The following SPOPL variants were observed in gnomAD, a reference collection of about 807,000 sequenced individuals.
SPOPL encodes speckle type BTB/POZ protein like, also known as speckle-type POZ protein-like.
A neutral mutation model predicts 53.8 loss-of-function variants in SPOPL; 23 were observed. The observed-to-expected ratio is 0.43, with a 90% CI of 0.31 to 0.61. The LOEUF (loss-of-function observed/expected upper bound fraction) is 0.61, where lower values mean the gene tolerates loss of function less well. Among genes scored for constraint, SPOPL ranks in the 20% least tolerant of loss-of-function variants. SPOPL has a pLI of 0.12. For missense variants in SPOPL, 442 were observed against 466.9 expected, an observed-to-expected ratio of 0.95 and a Z score of 0.49; for synonymous variants, 164 against 149.7, an observed-to-expected ratio of 1.10 and a Z score of -0.70.
rs1270877170 is a variant in SPOPL at position 138,528,836 on chromosome 2, T to C, written c.-60-21321T>C. ...CTGCCAAATTTTAGTGCTAAGACTT[T>C]GGGTAGGTTACTTTGCATTTTTGCG... On this transcript the variant is annotated intron_variant, in intron 1 of 10. Coordinates refer to ENST00000280098, the MANE Select transcript of SPOPL (RefSeq NM_001001664.3). Among the ~76,000 whole-genome samples the C allele has an allele frequency of 2.6e-5, 4 of 152,190 alleles. No individual in the cohort carries two copies. In the East Asian group the frequency reaches 7.7e-4, roughly 29 times the overall value.
chr2:138,543,489 C>G (rs1399170532), intron 1 of SPOPL, among the ~76,000 whole-genome samples: 1 of 152,198 alleles, frequency 6.6e-6, no homozygotes, highest in Non-Finnish European at 1.5e-5. Context: ...TTCATTTCAT[C>G]TTCCATCACT....
At chr2:138,523,423 G>C (rs966660567) in intron 1 of SPOPL, among the ~76,000 whole-genome samples, 7 of 152,012 alleles carry the variant, frequency 4.6e-5, no homozygotes, top group African/African-American at 1.7e-4. Context: ...ATATCATTCT[G>C]CCCCTGGCCC....
Position 138,572,575 on chromosome 2 carries a change from A to G in SPOPL, c.*3495A>G, listed in dbSNP as rs1685811206. 1 of 152,590 alleles carries G rather than the reference A, an allele frequency of 6.6e-6. No individual in the cohort carries two copies. The allele number at this position is 152,590 out of a possible 1,614,324, so 9.5% of individuals were successfully genotyped here. On this transcript the variant is annotated 3_prime_UTR_variant, in exon 11 of 11. Coordinates refer to ENST00000280098, the MANE Select transcript of SPOPL (RefSeq NM_001001664.3). The stretch of plus-strand genomic sequence containing the variant: ...AGAGGTGAATTATTCTGACTTGGAC[A>G]TGCATGCTCTTTGATGGATAAAATA...
At chr2:138,503,471 A>G (rs1684149750) in intron 1 of SPOPL, among the ~76,000 whole-genome samples, 1 of 152,238 alleles carries the variant, frequency 6.6e-6, no homozygotes, top group Admixed American at 6.5e-5. Context: ...TTGTGGGTAG[A>G]TTAATTCTAA....
intron 1 of SPOPL, among the ~76,000 whole-genome samples, chr2:138,537,032 C>T (rs1479539565): frequency 6.6e-6 from 1 of 152,158 alleles, no homozygotes; most frequent in African/African-American, 2.4e-5. Context: ...CCTGACAGCA[C>T]CATGCCCAAA....
rs977114001 is a variant in SPOPL at position 138,573,168 on chromosome 2, C to T, written c.*4088C>T. On this transcript the variant is annotated 3_prime_UTR_variant, in exon 11 of 11. Coordinates refer to ENST00000280098, the MANE Select transcript of SPOPL (RefSeq NM_001001664.3). ...GATACATAATACATGTATCTTGTTG[C>T]TGAAAATATTTTTTGCATTTCAACA... The T allele has an allele frequency of 6.6e-6, 1 of 151,864 alleles. No individual in the cohort carries two copies. The highest frequency in any genetic ancestry group is 1.5e-5 in the Non-Finnish European group (1 of 67,960). 9.4% of individuals were successfully genotyped at this position (151,864 alleles called of 1,614,324 possible). A position where few individuals can be genotyped will look rare whatever the true frequency, so the allele number is the denominator to read the frequency against.
intron 1 of SPOPL, among the ~76,000 whole-genome samples, chr2:138,515,266 G>T (rs1327060609): frequency 2.0e-5 from 3 of 152,162 alleles, no homozygotes; most frequent in Non-Finnish European, 4.4e-5. Context: ...GACTGAGTGA[G>T]TTTGCAACAT....
intron 1 of SPOPL, among the ~76,000 whole-genome samples, chr2:138,503,081 G>A (rs139815365): frequency 5.8e-4 from 89 of 152,234 alleles, no homozygotes; most frequent in African/African-American, 1.6e-3. Flanking sequence ...AACTGACAGA[G>A]GTAAAAGGTT....
At chr2:138,546,440 T>C (rs1353361315) in intron 1 of SPOPL, among the ~76,000 whole-genome samples, 1 of 152,232 alleles carries the variant, frequency 6.6e-6, no homozygotes, top group Non-Finnish European at 1.5e-5. Context: ...CTGCTGTTTT[T>C]ATTTTCATTT....
chr2:138,519,459 G>A (rs749080052), intron 1 of SPOPL, among the ~76,000 whole-genome samples: 2 of 151,794 alleles, frequency 1.3e-5, no homozygotes, highest in African/African-American at 4.8e-5. Context: ...ACCTTAAGTA[G>A]CATTGCTTTT....
chr2:138,550,817 C>CTCTCTCTCTT (rs1685298057), intron 3 of SPOPL, 86 bp from the exon 4 acceptor site: 1 of 1,459,206 alleles, frequency 6.9e-7, no homozygotes, highest in African/African-American at 1.5e-5. Context: ...TCAGTGTTCT[C>CTCTCTCTCTT]TCTCTCTCTT....
chr2:138,564,685 G>T (rs781062655), intron 8 of SPOPL, 23 bp from the exon 9 acceptor site: 30 of 1,612,924 alleles, frequency 1.9e-5, no homozygotes, highest in Non-Finnish European at 2.5e-5. Flanking sequence ...AATGTTTAAT[G>T]GTTATGTTTT....
chr2:138,510,243 T>C (rs553378183), intron 1 of SPOPL, among the ~76,000 whole-genome samples: 6 of 152,356 alleles, frequency 3.9e-5, no homozygotes, highest in African/African-American at 9.6e-5. Context: ...CCAAGGACCA[T>C]GATTGATGGG....
At chr2:138,530,530 C>T (rs1034611958) in intron 1 of SPOPL, among the ~76,000 whole-genome samples, 1 of 152,102 alleles carries the variant, frequency 6.6e-6, no homozygotes, top group Admixed American at 6.5e-5. Context: ...TGTACTTTCT[C>T]TTAATATCAT....
At chr2:138,540,061 C>A (rs148403751) in intron 1 of SPOPL, among the ~76,000 whole-genome samples, 2 of 151,968 alleles carry the variant, frequency 1.3e-5, no homozygotes, top group East Asian at 1.9e-4. Context: ...GTTGTAGATA[C>A]GCGGCATTCT....
chr2:138,517,997 A>T (rs1289866924), intron 1 of SPOPL, among the ~76,000 whole-genome samples: 3 of 150,900 alleles, frequency 2.0e-5, no homozygotes, highest in Non-Finnish European at 4.4e-5. Context: ...GCAGTGAGCC[A>T]AGATTGTGCC....
At chr2:138,562,836 A>G (rs546479673) in intron 8 of SPOPL, among the ~76,000 whole-genome samples, 1 of 151,844 alleles carries the variant, frequency 6.6e-6, no homozygotes, top group East Asian at 1.9e-4. Flanking sequence ...CCTAAAATCT[A>G]AACCTCTAAA....
At chr2:138,527,438 TTATC>T (rs2104869806) in intron 1 of SPOPL, among the ~76,000 whole-genome samples, 1 of 152,322 alleles carries the variant, frequency 6.6e-6, no homozygotes, top group Admixed American at 6.5e-5. Context: ...GAAGTTGTCT[TTATC>T]TTTTATTTTC....
At chr2:138,525,550 G>T (rs1341759000) in intron 1 of SPOPL, among the ~76,000 whole-genome samples, 1 of 150,942 alleles carries the variant, frequency 6.6e-6, no homozygotes, top group Non-Finnish European at 1.5e-5. Context: ...GGGCATAGTG[G>T]TTCACACCTG....
Sources: gnomAD v4.1 joint callset for allele counts (sites outside exome capture counted in the v4.1 genomes callset) on GRCh38, gnomAD v4.1.1 for gene constraint, MANE v1.5 for transcripts, NCBI Gene and HGNC (gene_info 2026-07-23, HGNC 2026-07-21) for gene names.